The following GAS2 variants were observed in gnomAD, a reference collection of about 807,000 sequenced individuals.
The protein encoded by GAS2 is growth arrest specific 2, also known as growth arrest-specific protein 2.
Under a neutral mutation model 37.5 loss-of-function variants are expected in GAS2, and 20 were observed. That is an observed-to-expected ratio of 0.53 (90% CI 0.37 to 0.77). The LOEUF (loss-of-function observed/expected upper bound fraction) is 0.77. Among genes scored for constraint, GAS2 ranks in the 30% least tolerant of loss-of-function variants. GAS2 has a pLI of 0.00. For missense variants in GAS2, 336 were observed against 373.4 expected, an observed-to-expected ratio of 0.90 and a Z score of 0.82; for synonymous variants, 144 against 132.2, an observed-to-expected ratio of 1.09 and a Z score of -0.61.
At position 22,711,422 on chromosome 11, in the gene GAS2, A is replaced by G. The variant is rs180758072; in HGVS notation, c.268-14870A>G. Among the ~76,000 whole-genome samples the G allele has an allele frequency of 3.9e-5, 6 of 152,308 alleles. No homozygotes were observed. In the East Asian group the frequency reaches 1.2e-3, roughly 29 times the overall value. ...TGGAATTTGGGAGGTGCACAGGGTG[A>G]GGTAAGCTCCTAGGTGAACTTTGTA... On this transcript the variant is annotated intron_variant, in intron 3 of 7. Transcript: ENST00000454584.
At chr11:22,630,556 A>T (rs951778882) in intron 1 of GAS2, among the ~76,000 whole-genome samples, 4 of 152,232 alleles carry the variant, frequency 2.6e-5, no homozygotes, top group African/African-American at 9.6e-5. Context: ...TACTCATCTG[A>T]CAAAGGGCTA....
intron 4 of GAS2, among the ~76,000 whole-genome samples, chr11:22,732,938 A>G (rs1210940975): frequency 6.6e-6 from 1 of 151,746 alleles, no homozygotes; most frequent in East Asian, 1.9e-4. Context: ...ATTGATTAAT[A>G]CAGTACTTAT....
At chr11:22,721,798 A>T (rs534110711) in intron 3 of GAS2, among the ~76,000 whole-genome samples, 1 of 152,170 alleles carries the variant, frequency 6.6e-6, no homozygotes, top group African/African-American at 2.4e-5. Flanking sequence ...TAAAGATAGG[A>T]AGAAGTAAAT....
intron 1 of GAS2, among the ~76,000 whole-genome samples, chr11:22,631,817 G>T (rs186965457): frequency 6.6e-6 from 1 of 152,074 alleles, no homozygotes; most frequent in African/African-American, 2.4e-5. Context: ...TGGTTTCAGG[G>T]TGATACTGTC....
intron 7 of GAS2, among the ~76,000 whole-genome samples, chr11:22,804,392 G>C (rs538304288): frequency 6.6e-6 from 1 of 152,214 alleles, no homozygotes; most frequent in African/African-American, 2.4e-5. Context: ...AATATCATTA[G>C]ATACCTTGCT....
intron 3 of GAS2, among the ~76,000 whole-genome samples, chr11:22,712,674 G>A (rs573661595): frequency 6.6e-6 from 1 of 152,282 alleles, no homozygotes; most frequent in East Asian, 1.9e-4. Context: ...CATACTAGCT[G>A]TCCAGCAATG....
At chr11:22,789,303 TAC>T (rs201918939) in intron 7 of GAS2, among the ~76,000 whole-genome samples, 1,898 of 110,922 alleles carry the variant, frequency 0.017, 40 homozygotes, top group East Asian at 0.063. Context: ...TATATATATA[TAC>T]ACACACACAC....
intron 3 of GAS2, 66 bp downstream of exon 3, chr11:22,685,855 G>T (rs1016960163): frequency 6.7e-7 from 1 of 1,495,936 alleles, no homozygotes; most frequent in Admixed American, 2.0e-5. Context: ...CTTATAAATT[G>T]TGTGTAATTA....
chr11:22,629,921 C>T (rs1262283225), intron 1 of GAS2, among the ~76,000 whole-genome samples: 1 of 152,070 alleles, frequency 6.6e-6, no homozygotes, highest in East Asian at 1.9e-4. Context: ...AAGTTTTCGT[C>T]TAGAATTTTT....
At chr11:22,778,548 A>T (rs940505921) in intron 7 of GAS2, among the ~76,000 whole-genome samples, 1 of 152,264 alleles carries the variant, frequency 6.6e-6, no homozygotes, top group Non-Finnish European at 1.5e-5. Flanking sequence ...GATGTAAATG[A>T]TGAGAAGGAG....
chr11:22,753,611 C>T (rs1014394261), intron 6 of GAS2, among the ~76,000 whole-genome samples: 1 of 152,056 alleles, frequency 6.6e-6, no homozygotes, highest in African/African-American at 2.4e-5. Flanking sequence ...GTTCAGGCCT[C>T]AGGCCATGTG....
intron 7 of GAS2, among the ~76,000 whole-genome samples, chr11:22,756,601 T>A (rs145977511): frequency 1.3e-5 from 2 of 152,284 alleles, no homozygotes; most frequent in East Asian, 3.9e-4. Context: ...TTTCTACTTT[T>A]GACCAAAACT....
chr11:22,652,993 G>GTCTCTCTTTCTTTCTT (rs1554965874), intron 1 of GAS2, among the ~76,000 whole-genome samples: 1 of 97,036 alleles, frequency 1.0e-5, no homozygotes, highest in Non-Finnish European at 2.0e-5. Flanking sequence ...TTCTTTCTTT[G>GTCTCTCTTTCTTTCTT]TCTTTCTTTC....
intron 7 of GAS2, among the ~76,000 whole-genome samples, chr11:22,809,599 T>C (rs1434521927): frequency 2.0e-5 from 3 of 151,362 alleles, no homozygotes; most frequent in Admixed American, 2.0e-4. Context: ...GCAATTCTCC[T>C]GTCTCAGCCT....
intron 2 of GAS2, among the ~76,000 whole-genome samples, chr11:22,678,988 A>T (rs192747183): frequency 2.0e-3 from 309 of 152,222 alleles, no homozygotes; most frequent in Non-Finnish European, 3.8e-3. Flanking sequence ...TTAGAATATA[A>T]AATACCAGCT....
chr11:22,629,035 G>GTGTGTGTGTATATATATATATA (rs1565057619), intron 1 of GAS2, among the ~76,000 whole-genome samples: 78 of 151,464 alleles, frequency 5.1e-4, no homozygotes, highest in African/African-American at 1.7e-3. Context: ...ATGCATGTGT[G>GTGTGTGTGTATATATATATATA]TATATATATA....
At chr11:22,753,255 T>C (rs1230285771) in intron 6 of GAS2, among the ~76,000 whole-genome samples, 2 of 152,048 alleles carry the variant, frequency 1.3e-5, no homozygotes, top group Non-Finnish European at 2.9e-5. Flanking sequence ...CACTGTTTAC[T>C]TAACAATATA....
chr11:22,758,933 A>G (rs1854210504), intron 7 of GAS2, among the ~76,000 whole-genome samples: 1 of 151,372 alleles, frequency 6.6e-6, no homozygotes, highest in East Asian at 1.9e-4. Context: ...AAAAAGAGAA[A>G]GTCATAGATA....
chr11:22,675,819 T>C (rs936647123), intron 2 of GAS2, among the ~76,000 whole-genome samples: 2 of 152,182 alleles, frequency 1.3e-5, no homozygotes, highest in African/African-American at 4.8e-5. Context: ...ATCAACACTA[T>C]TTTATTATTT....
Sources: allele counts gnomAD v4.1 joint callset (sites outside exome capture counted in the v4.1 genomes callset), GRCh38; gene constraint gnomAD v4.1.1; transcripts MANE v1.5; gene names NCBI Gene and HGNC (gene_info 2026-07-23, HGNC 2026-07-21).